Variants in TTC27 observed in about 807,000 individuals in gnomAD.
The protein encoded by TTC27 is tetratricopeptide repeat protein 27.
Under a neutral mutation model 115.9 loss-of-function variants are expected in TTC27, and 79 were observed. That is an observed-to-expected ratio of 0.68 (90% CI 0.57 to 0.82). The LOEUF (loss-of-function observed/expected upper bound fraction) is 0.82. TTC27 is among the 40% of genes least tolerant of loss of function. TTC27 has a pLI of 0.00. For missense variants in TTC27, 1,054 were observed against 993.1 expected (o/e 1.06, Z -0.82); for synonymous variants, 401 against 356.0 (o/e 1.13, Z -1.42).
chr2:32,789,013 T>TG (rs113317304), intron 16 of TTC27, among the ~76,000 whole-genome samples: 3 of 152,268 alleles, frequency 2.0e-5, no homozygotes, highest in African/African-American at 7.2e-5. Flanking sequence ...ACCTCAGCTG[T>TG]GGGGGATAGG....
Position 32,755,268 on chromosome 2 carries a change from G to A in TTC27, c.1453-3024G>A, listed in dbSNP as rs1381444541. On this transcript the variant is annotated intron_variant, in intron 12 of 19. Coordinates refer to ENST00000317907, the MANE Select transcript of TTC27 (RefSeq NM_017735.5). Reference sequence around the variant, plus strand: ...GGAGGTTGTAGCGAGCCAAGATCACGCCACTGCACTCCAGCCTGGGCACCA... The same window carrying A: ...GGAGGTTGTAGCGAGCCAAGATCACACCACTGCACTCCAGCCTGGGCACCA... Among the ~76,000 whole-genome samples, 65 of 152,276 alleles carry A rather than the reference G, an allele frequency of 4.3e-4. 1 individual carries two copies. Among genetic ancestry groups the A allele is most frequent in the Non-Finnish European group, 2.5e-4 (17 of 68,012 alleles).
intron 9 of TTC27, among the ~76,000 whole-genome samples, chr2:32,698,545 T>C (rs1667074157): frequency 2.0e-5 from 3 of 149,888 alleles, no homozygotes; most frequent in Non-Finnish European, 3.0e-5. Flanking sequence ...AGTGGCGCGA[T>C]CTCAGCTCAC....
intron 10 of TTC27, chr2:32,704,730 G>A: frequency 2.6e-6 from 1 of 387,790 alleles, no homozygotes; most frequent in East Asian, 7.4e-5. Flanking sequence ...TGCTTTTGAA[G>A]ATTATGGGCT....
intron 13 of TTC27, among the ~76,000 whole-genome samples, chr2:32,767,264 T>C (rs1011560493): frequency 1.3e-5 from 2 of 152,152 alleles, no homozygotes; most frequent in African/African-American, 4.8e-5. Flanking sequence ...TAAATTTATA[T>C]CCTTTACTAG....
At chr2:32,772,332 G>A (rs1286353616) in intron 13 of TTC27, among the ~76,000 whole-genome samples, 3 of 152,118 alleles carry the variant, frequency 2.0e-5, no homozygotes, top group Non-Finnish European at 4.4e-5. Flanking sequence ...CTTTTGAACT[G>A]ATTTCTAAGG....
In TTC27 at chr2:32,662,015, A is replaced by G. The variant is rs142349112; in HGVS notation, c.641-2288A>G. Among the ~76,000 whole-genome samples, 917 of 152,250 alleles carry G rather than the reference A, an allele frequency of 6.0e-3. 7 individuals carry two copies. Among genetic ancestry groups the G allele is most frequent in the African/African-American group, 0.02 (823 of 41,546 alleles). On this transcript the variant is annotated intron_variant, in intron 5 of 19. Transcript: ENST00000317907. ...TTTACTGAAGGCCTTTTCTGCATCT[A>G]TTGAGATAATCTTATGGTTTTTGTC...
chr2:32,696,688 A>T (rs1026239631), intron 9 of TTC27, among the ~76,000 whole-genome samples: 1 of 152,216 alleles, frequency 6.6e-6, no homozygotes, highest in Non-Finnish European at 1.5e-5. Flanking sequence ...TTGGTATGCA[A>T]ATATCTGACT....
At chr2:32,681,978 ATATG>A (rs1432069500) in intron 9 of TTC27, among the ~76,000 whole-genome samples, 6,068 of 137,786 alleles carry the variant, frequency 0.044, 168 homozygotes, top group East Asian at 0.076. Flanking sequence ...ATATGTATAT[ATATG>A]TGTGTGTGTG....
At chr2:32,717,342 T>C (rs1667788379) in intron 10 of TTC27, among the ~76,000 whole-genome samples, 1 of 152,126 alleles carries the variant, frequency 6.6e-6, no homozygotes, top group Non-Finnish European at 1.5e-5. Flanking sequence ...GTGAGTGTAC[T>C]GATTATTGAT....
intron 13 of TTC27, among the ~76,000 whole-genome samples, chr2:32,774,819 A>T (rs1669941171): frequency 6.6e-6 from 1 of 152,216 alleles, no homozygotes; most frequent in South Asian, 2.1e-4. Context: ...AAAGAACACC[A>T]CTGTGTGCAA....
At chr2:32,670,615 T>TC (rs958439347) in intron 7 of TTC27, among the ~76,000 whole-genome samples, 16 of 152,050 alleles carry the variant, frequency 1.1e-4, no homozygotes, top group African/African-American at 3.9e-4. Flanking sequence ...GTTTTTTTTT[T>TC]TCTCTTCTTT....
At chr2:32,793,899 T>C (rs954493269) in intron 16 of TTC27, among the ~76,000 whole-genome samples, 12 of 152,204 alleles carry the variant, frequency 7.9e-5, no homozygotes, top group African/African-American at 2.7e-4. Flanking sequence ...AAAACAGTTA[T>C]TAGTCTAAAA....
chr2:32,651,384 T>C (rs540923336), intron 5 of TTC27, among the ~76,000 whole-genome samples: 3 of 152,348 alleles, frequency 2.0e-5, no homozygotes, highest in South Asian at 4.1e-4. Flanking sequence ...TTTCACTCTG[T>C]CATCCAGGCT....
chr2:32,666,359 CTT>C (rs35023187), intron 6 of TTC27, among the ~76,000 whole-genome samples: 23 of 136,436 alleles, frequency 1.7e-4, no homozygotes, highest in Admixed American at 2.2e-4. Context: ...CAATGTGTTA[CTT>C]TTTTTTTTTT....
intron 3 of TTC27, 131 bp from the exon 4 acceptor site, chr2:32,640,139 A>T: frequency 2.4e-6 from 2 of 823,078 alleles, no homozygotes; most frequent in East Asian, 5.4e-5. Context: ...TCCAGTGCCA[A>T]TTGCTGTGTA....
intron 12 of TTC27, among the ~76,000 whole-genome samples, chr2:32,740,078 G>C (rs1010599699): frequency 5.3e-5 from 8 of 152,106 alleles, no homozygotes; most frequent in Non-Finnish European, 1.2e-4. Flanking sequence ...AATTTTGCTC[G>C]ACCTTGGTAT....
At chr2:32,814,233 C>T (rs529958672) in intron 18 of TTC27, among the ~76,000 whole-genome samples, 57 of 152,234 alleles carry the variant, frequency 3.7e-4, no homozygotes, top group African/African-American at 1.3e-3. Context: ...TAAAGAGATA[C>T]TCTAGGAAAA....
intron 13 of TTC27, among the ~76,000 whole-genome samples, chr2:32,764,221 C>G (rs1477862091): frequency 6.6e-6 from 1 of 152,104 alleles, no homozygotes; most frequent in Admixed American, 6.6e-5. Context: ...TTATATGATA[C>G]TGTGAACAGT....
rs192204391 is a variant in TTC27 at position 32,629,768 on chromosome 2, A to G, written c.89-755A>G. On this transcript the variant is annotated intron_variant, in intron 1 of 19. Coordinates refer to ENST00000317907, the MANE Select transcript of TTC27 (RefSeq NM_017735.5). ...AGGCAAAGATTAATTCTTGTGAGCA[A>G]TGAATATTTACCAGAGAGATAAAGA... Among the ~76,000 whole-genome samples, 205 of 152,314 alleles carry G rather than the reference A, an allele frequency of 1.3e-3. 2 individuals are homozygous for G. The highest frequency in any genetic ancestry group is 4.8e-3 in the African/African-American group (198 of 41,562).
Sources: gnomAD v4.1 joint callset for allele counts (sites outside exome capture counted in the v4.1 genomes callset) on GRCh38, gnomAD v4.1.1 for gene constraint, MANE v1.5 for transcripts, NCBI Gene and HGNC (gene_info 2026-07-23, HGNC 2026-07-21) for gene names.